The following MARK4 variants were observed in gnomAD, a reference collection of about 807,000 sequenced individuals.
MARK4 encodes MAP/microtubule affinity-regulating kinase 4.
Under a neutral mutation model 81.5 loss-of-function variants are expected in MARK4, and 19 were observed. The ratio of observed to expected loss-of-function variants is 0.23; its 90% CI spans 0.16 to 0.34. The LOEUF (loss-of-function observed/expected upper bound fraction) is 0.34. Among genes scored for constraint, MARK4 ranks in the 10% least tolerant of loss-of-function variants. The pLI is 1.00. For synonymous variants in MARK4, 436 were observed against 439.0 expected, an observed-to-expected ratio of 0.99 and a Z score of 0.08; for missense variants, 772 against 1,058.8, an observed-to-expected ratio of 0.73 and a Z score of 3.76.
intron 2 of MARK4, among the ~76,000 whole-genome samples, chr19:45,259,962 C>G (rs901190598): frequency 4.6e-5 from 7 of 151,790 alleles, no homozygotes; most frequent in African/African-American, 1.7e-4. Flanking sequence ...TGGCACATGC[C>G]TATAATCTCA....
intron 6 of MARK4, among the ~76,000 whole-genome samples, chr19:45,265,561 A>G (rs1408450682): frequency 6.7e-6 from 1 of 148,874 alleles, no homozygotes; most frequent in Non-Finnish European, 1.5e-5. Flanking sequence ...ATGTGGGATA[A>G]GAAGAAGTGC....
intron 8 of MARK4, among the ~76,000 whole-genome samples, chr19:45,274,213 T>C (rs1191000592): frequency 6.6e-6 from 1 of 151,126 alleles, no homozygotes; most frequent in Admixed American, 6.6e-5. Context: ...CTCGCCACTG[T>C]ACTCCAGCCT....
At chr19:45,291,707 A>G (rs897846412) in intron 13 of MARK4, among the ~76,000 whole-genome samples, 4 of 152,088 alleles carry the variant, frequency 2.6e-5, no homozygotes, top group Admixed American at 2.6e-4. Context: ...GCATGAACCT[A>G]GGAGGCGGAG....
intron 1 of MARK4, among the ~76,000 whole-genome samples, chr19:45,257,437 G>A (rs1175978670): frequency 7.3e-6 from 1 of 136,468 alleles, no homozygotes; most frequent in African/African-American, 2.8e-5. Flanking sequence ...AGACTGTAGT[G>A]CAGTGGCGCG....
At chr19:45,290,466 G>C (rs1186749594) in intron 13 of MARK4, among the ~76,000 whole-genome samples, 1 of 152,280 alleles carries the variant, frequency 6.6e-6, no homozygotes, top group African/African-American at 2.4e-5. Flanking sequence ...GTGGCAGCCA[G>C]CTGTGGCCAG....
intron 1 of MARK4, among the ~76,000 whole-genome samples, chr19:45,256,227 C>G (rs1211484582): frequency 6.6e-6 from 1 of 152,172 alleles, no homozygotes; most frequent in Non-Finnish European, 1.5e-5. Flanking sequence ...CACCTGAGGT[C>G]AGGAGTTCAA....
chr19:45,301,557 C>CAAAAAA (rs10630193), intron 16 of MARK4, among the ~76,000 whole-genome samples: 8,262 of 49,410 alleles, frequency 0.17, 1,651 homozygotes, highest in Non-Finnish European at 0.23. Context: ...AACTCTGTCT[C>CAAAAAA]AAAAAAAAAA....
chr19:45,259,087 C>T lies in MARK4; in HGVS notation c.150C>T (p.Pro50=), dbSNP rs1002747643. Residue 50 remains proline, a synonymous_variant, in exon 2 of 17, where the codon CCC becomes CCT. Coordinates refer to ENST00000262891, the MANE Select transcript of MARK4 (RefSeq NM_001199867.2). ...ARCRNSIASC[P]EEQPHVGNYR... ...GCCGGAACTCCATCGCCTCCTGTCC[C>T]GAGGAGCAGCCCCACGTGGGCAACT... 9.9e-6 allele frequency: 16 copies of T among 1,613,972 alleles called. No individual in the cohort carries two copies. The highest frequency in any genetic ancestry group is 6.7e-5 in the African/African-American group (5 of 74,926).
intron 13 of MARK4, 92 bp from the exon 14 acceptor site, chr19:45,294,257 T>C (rs1970856287): frequency 2.5e-6 from 3 of 1,207,688 alleles, no homozygotes; most frequent in East Asian, 2.4e-5. Context: ...CCCTGACTTA[T>C]TCATCGATGG....
At chr19:45,291,697 G>T (rs1324860965) in intron 13 of MARK4, among the ~76,000 whole-genome samples, 4 of 152,156 alleles carry the variant, frequency 2.6e-5, no homozygotes, top group African/African-American at 9.7e-5. Context: ...CAGGAGAATG[G>T]CATGAACCTA....
chr19:45,278,797 G>A (rs1202855364), intron 10 of MARK4, among the ~76,000 whole-genome samples, 182 bp downstream of exon 10: 1 of 152,172 alleles, frequency 6.6e-6, no homozygotes, highest in African/African-American at 2.4e-5. Context: ...TAGAGACAGG[G>A]TTTTGCCATG....
chr19:45,302,541 C>T lies in MARK4; in HGVS notation c.2090C>T (p.Ala697Val). Residue 697 changes from alanine to valine, a missense_variant, in exon 17 of 17, where the codon GCC becomes GTC. Around this residue, in one of 3 missense-constraint regions of MARK4, gnomAD observed 548 missense variants for 624.3 expected, o/e 0.88. Transcript: ENST00000262891. The surrounding 1 kb of genome is among the most constrained non-coding windows in gnomAD (Gnocchi z 4.9). Reference protein sequence around the residue: ...RCRQPQPFLLACLHGGAGGPE... With the variant: ...RCRQPQPFLLVCLHGGAGGPE... Reference sequence around the variant, plus strand: ...CGCCAGCCACAGCCGTTCCTGCTGGCCTGCCTGCACGGGGGTGCGGGCGGG... The same window carrying T: ...CGCCAGCCACAGCCGTTCCTGCTGGTCTGCCTGCACGGGGGTGCGGGCGGG... 16 of 1,598,216 alleles carry T rather than the reference C, an allele frequency of 1.0e-5. No individual in the cohort carries two copies. The highest frequency in any genetic ancestry group is 1.3e-5 in the Non-Finnish European group (15 of 1,178,142).
Position 45,302,415 on chromosome 19 carries a change from T to C in MARK4, c.1964T>C (p.Leu655Pro). Residue 655 changes from leucine to proline, a missense_variant, in exon 17 of 17, where the codon CTG (leucine) becomes CCG (proline). By Grantham distance (98) the Leu-to-Pro change is moderately conservative. This residue lies in a region of MARK4 where 548 missense variants were observed against 624.3 expected (regional missense o/e 0.88). Coordinates refer to ENST00000262891, the MANE Select transcript of MARK4 (RefSeq NM_001199867.2). This position sits in a 1 kb window ranked among gnomAD's most constrained non-coding sequence, Gnocchi z 4.9. ...PWDQTETAPRLLRFPWSVKLT... is the reference protein window; with the variant it reads ...PWDQTETAPRPLRFPWSVKLT... Reference sequence around the variant, plus strand: ...GATCAAACGGAAACCGCCCCCCGGCTGCTCCGATTCCCCTGGAGTGTGAAG... The same window carrying C: ...GATCAAACGGAAACCGCCCCCCGGCCGCTCCGATTCCCCTGGAGTGTGAAG... The C allele has an allele frequency of 6.2e-7, 1 of 1,614,118 alleles. No individual in the cohort carries two copies. The highest frequency in any genetic ancestry group is 1.1e-5 in the South Asian group (1 of 91,082).
intron 13 of MARK4, among the ~76,000 whole-genome samples, chr19:45,292,567 G>A (rs895703276): frequency 2.0e-5 from 3 of 152,074 alleles, no homozygotes; most frequent in African/African-American, 2.4e-5. Context: ...AAAAGGAAAA[G>A]CAAATAAACC....
chr19:45,288,483 G>A (rs1336964893), intron 13 of MARK4: 1 of 151,228 alleles, frequency 6.6e-6, no homozygotes, highest in Admixed American at 6.6e-5. Context: ...AACCCAGGAG[G>A]CGGAAGCTAC....
At chr19:45,262,353 C>CGG (rs959060124) in intron 2 of MARK4, among the ~76,000 whole-genome samples, 434 of 9,890 alleles carry the variant, frequency 0.044, 3 homozygotes, top group African/African-American at 0.15. Flanking sequence ...GAAAAGGGGG[C>CGG]GGGGGGGTGG....
intron 1 of MARK4, among the ~76,000 whole-genome samples, chr19:45,253,780 T>A (rs192155821): frequency 2.6e-5 from 4 of 152,256 alleles, no homozygotes; most frequent in Non-Finnish European, 5.9e-5. Flanking sequence ...CTGTTGTGGT[T>A]ATTAGCACTA....
At chr19:45,284,925 T>C (rs1970722466) in intron 12 of MARK4, among the ~76,000 whole-genome samples, 1 of 152,088 alleles carries the variant, frequency 6.6e-6, no homozygotes, top group African/African-American at 2.4e-5. Flanking sequence ...ACCCTGTCTC[T>C]ACTAAAAATA....
chr19:45,271,455 T>C lies in MARK4; in HGVS notation c.550-17T>C. The C allele has an allele frequency of 6.2e-7, 1 of 1,612,216 alleles. No individual in the cohort carries two copies. Among genetic ancestry groups the C allele is most frequent in the Non-Finnish European group, 8.5e-7 (1 of 1,178,564 alleles). Reference sequence around the variant, plus strand: ...GCCTTGAGTCCCACTTTCCGCCCTCTCCTTCTCTCCCTGCAGGCTGAGAAC... The same window carrying C: ...GCCTTGAGTCCCACTTTCCGCCCTCCCCTTCTCTCCCTGCAGGCTGAGAAC... On this transcript the variant is annotated splice_polypyrimidine_tract_variant and intron_variant, in intron 7 of 16. Transcript: ENST00000262891. The surrounding 1 kb of genome is among the most constrained non-coding windows in gnomAD (Gnocchi z 4.1).
Sources: allele counts gnomAD v4.1 joint callset (sites outside exome capture counted in the v4.1 genomes callset), GRCh38; gene constraint gnomAD v4.1.1; regional missense constraint gnomAD v4.1.1; non-coding constraint Gnocchi (gnomAD v3.1); transcripts MANE v1.5; gene names NCBI Gene and HGNC (gene_info 2026-07-23, HGNC 2026-07-21).